ATP2C1: variants seen among roughly 807,000 people sequenced by gnomAD.
The protein encoded by ATP2C1 is ATPase secretory pathway Ca2+ transporting 1.
A neutral mutation model predicts 120.5 loss-of-function variants in ATP2C1; 31 were observed. That is an observed-to-expected ratio of 0.26 (90% CI 0.19 to 0.35). ATP2C1 has a LOEUF of 0.35. Among genes scored for constraint, ATP2C1 ranks in the 10% least tolerant of loss-of-function variants. The probability of loss-of-function intolerance (pLI) is 1.00; values close to 1 mark genes in which losing one functional copy is unlikely to be tolerated. For missense variants in ATP2C1, 731 were observed against 1,107.5 expected (o/e 0.66, Z 4.83); for synonymous variants, 351 against 358.7 (o/e 0.98, Z 0.24).
chr3:130,934,542 GT>G (rs34266677), intron 4 of ATP2C1, 79 bp from the exon 5 acceptor site: 15,401 of 689,584 alleles, frequency 0.022, no homozygotes, highest in Non-Finnish European at 0.024. Flanking sequence ...TGCTCTTATG[GT>G]TTTTTTTTTT....
At chr3:130,996,649 G>C in intron 23 of ATP2C1, 31 bp from the exon 24 acceptor site, 2 of 1,380,278 alleles carry the variant, frequency 1.4e-6, no homozygotes, top group Non-Finnish European at 2.1e-6. Context: ...TTACTCTACT[G>C]ATATTTTTAA....
upstream of ATP2C1, chr3:130,894,055 G>C: frequency 1.0e-6 from 1 of 986,140 alleles, no homozygotes; most frequent in Non-Finnish European, 1.2e-6. The surrounding 1 kb of genome is among the most constrained non-coding windows in gnomAD (Gnocchi z 4.5). Context: ...GGCGGGGAGG[G>C]GCGGAGCGCA....
intron 2 of ATP2C1, among the ~76,000 whole-genome samples, chr3:130,897,624 G>A (rs2069748047): frequency 6.6e-6 from 1 of 152,184 alleles, no homozygotes; most frequent in African/African-American, 2.4e-5. Context: ...GTAGCTTACA[G>A]TGGTGTGGGG....
intron 2 of ATP2C1, among the ~76,000 whole-genome samples, chr3:130,913,965 GT>G (rs987577243): frequency 6.6e-6 from 1 of 152,052 alleles, no homozygotes; most frequent in African/African-American, 2.4e-5. Context: ...TCTTCAGATT[GT>G]TTTCCGAGGA....
chr3:130,992,323 G>A (rs560790516), intron 20 of ATP2C1, among the ~76,000 whole-genome samples: 2 of 152,154 alleles, frequency 1.3e-5, no homozygotes, highest in Non-Finnish European at 2.9e-5. Context: ...CTAGGTTAGA[G>A]CAAAGTGAAA....
Position 130,901,577 on chromosome 3 carries a change from A to G in ATP2C1, c.6+6802A>G, listed in dbSNP as rs538934814. Among the ~76,000 whole-genome samples the G allele has an allele frequency of 2.8e-4, 42 of 152,180 alleles. No homozygotes were observed. In the South Asian group the frequency reaches 5.6e-3, roughly 20 times the overall value. On this transcript the variant is annotated intron_variant, in intron 2 of 27. Transcript: ENST00000510168. ...GAATCAGACATGACTGCAAGATGTC[A>G]TTTGGGTCAGTGAAGGTGCCATTGA...
chr3:130,995,230 A>G (rs997087692), intron 22 of ATP2C1, among the ~76,000 whole-genome samples: 1 of 152,042 alleles, frequency 6.6e-6, no homozygotes, highest in African/African-American at 2.4e-5. Flanking sequence ...CCTAGGCAAC[A>G]TGTCAAAACC....
chr3:130,918,634 T>G, intron 2 of ATP2C1: 1 of 636,628 alleles, frequency 1.6e-6, no homozygotes, highest in Non-Finnish European at 3.0e-6. Flanking sequence ...TTGCAGTAAA[T>G]CTCTTAATCA....
chr3:130,893,118 T>A (rs143733077), upstream of ATP2C1, among the ~76,000 whole-genome samples: 4 of 152,318 alleles, frequency 2.6e-5, no homozygotes, highest in East Asian at 7.7e-4. Flanking sequence ...CAACATTATA[T>A]GTCTGGCTCA....
downstream of ATP2C1, among the ~76,000 whole-genome samples, chr3:131,006,067 C>G (rs938202453): frequency 1.3e-5 from 2 of 152,206 alleles, no homozygotes; most frequent in Non-Finnish European, 2.9e-5. Flanking sequence ...GCTACTTACT[C>G]TGAATGAGTA....
chr3:130,866,889 T>C (rs1483037493), intron 1 of ATP2C1, among the ~76,000 whole-genome samples: 2 of 152,242 alleles, frequency 1.3e-5, no homozygotes, highest in Non-Finnish European at 2.9e-5. Flanking sequence ...TGAAGGTTTC[T>C]GGCAACCTTG....
At chr3:130,858,027 G>A (rs906069484) in intron 1 of ATP2C1, among the ~76,000 whole-genome samples, 4 of 152,128 alleles carry the variant, frequency 2.6e-5, no homozygotes, top group African/African-American at 9.7e-5. Flanking sequence ...CTTGGAGTCC[G>A]ATGTTCCAGT....
At chr3:130,962,165 T>C (rs1361819105) in intron 12 of ATP2C1, among the ~76,000 whole-genome samples, 6 of 152,044 alleles carry the variant, frequency 3.9e-5, no homozygotes, top group Non-Finnish European at 7.4e-5. Context: ...GGAGAAATGC[T>C]GAAGGCTGGT....
At chr3:130,921,663 G>A (rs975597466) in intron 2 of ATP2C1, among the ~76,000 whole-genome samples, 19 of 152,052 alleles carry the variant, frequency 1.2e-4, no homozygotes, top group East Asian at 1.9e-4. Context: ...ATGAAAGGGC[G>A]TTGATTTTTG....
chr3:130,932,164 A>G, intron 4 of ATP2C1, 26 bp downstream of exon 4: 1 of 1,340,142 alleles, frequency 7.5e-7, no homozygotes, highest in Admixed American at 1.7e-5. Context: ...TTCCTCTTCT[A>G]CTGTGTAATT....
At chr3:130,936,318 C>T (rs910055819) in intron 5 of ATP2C1, among the ~76,000 whole-genome samples, 2 of 151,930 alleles carry the variant, frequency 1.3e-5, no homozygotes, top group African/African-American at 2.4e-5. Context: ...AAGACCAATG[C>T]GTGACATTAC....
intron 6 of ATP2C1, 116 bp downstream of exon 6, chr3:130,937,579 T>C (rs1267650044): frequency 7.1e-6 from 6 of 845,194 alleles, no homozygotes; most frequent in Non-Finnish European, 1.0e-5. Flanking sequence ...GAACAACTTA[T>C]TCTTTGTTTT....
intron 22 of ATP2C1, 48 bp downstream of exon 22, chr3:130,994,146 T>C: frequency 6.2e-7 from 1 of 1,605,098 alleles, no homozygotes; most frequent in Non-Finnish European, 8.5e-7. Context: ...TCCCCTATCC[T>C]TTCCTGTCCC....
chr3:131,016,413 T>A, exon 27 of ATP2C1: 1 of 1,468,214 alleles, frequency 6.8e-7, no homozygotes, highest in Non-Finnish European at 9.4e-7. Context: ...CCACATATAC[T>A]ACAAATTCTA....
Sources: gnomAD v4.1 joint callset for allele counts (sites outside exome capture counted in the v4.1 genomes callset) on GRCh38, gnomAD v4.1.1 for gene constraint, Gnocchi (gnomAD v3.1) non-coding constraint, MANE v1.5 for transcripts, NCBI Gene and HGNC (gene_info 2026-07-23, HGNC 2026-07-21) for gene names.